EPB41L1: variants seen among roughly 807,000 people sequenced by gnomAD.
EPB41L1 encodes the protein band 4.1-like protein 1.
EPB41L1 carries 29 observed loss-of-function variants against 97.8 expected under a neutral mutation model. The observed-to-expected ratio is 0.30, with a 90% CI of 0.22 to 0.40. The LOEUF is 0.40. Ranked by LOEUF, EPB41L1 falls within the 10% of genes least tolerant of loss-of-function variation. The pLI is 1.00. For synonymous variants in EPB41L1, 383 were observed against 459.2 expected (o/e 0.83, Z 2.12); for missense variants, 812 against 1,162.3 (o/e 0.70, Z 4.38).
chr20:36,092,641 G>C lies in EPB41L1; in HGVS notation c.-65+1029G>C, dbSNP rs1272208587. On this transcript the variant is annotated intron_variant, in intron 1 of 19. Coordinates refer to the EPB41L1 transcript ENST00000202028. This position sits in a 1 kb window ranked among gnomAD's most constrained non-coding sequence, Gnocchi z 7.0. ...GGGGCGGAGCGGCGAGAGGGGGTGT[G>C]GGGGGCGGGCGAGGAGGGGGCTGAG... 6.6e-6 allele frequency: 1 copy of C among 151,764 alleles called. No individual in the cohort carries two copies. Among genetic ancestry groups the C allele is most frequent in the East Asian group, 1.9e-4 (1 of 5,168 alleles). 9.4% of individuals were successfully genotyped at this position (151,764 alleles called of 1,614,324 possible).
At chr20:36,178,510 C>A in intron 4 of EPB41L1, 120 bp from the exon 5 acceptor site, 1 of 1,021,550 alleles carries the variant, frequency 9.8e-7, no homozygotes, top group Non-Finnish European at 1.6e-6. Flanking sequence ...GAGGCTTAGC[C>A]AAGGAAGGGC....
intron 14 of EPB41L1, chr20:36,208,442 G>C: frequency 2.8e-6 from 1 of 359,990 alleles, no homozygotes; most frequent in South Asian, 2.0e-5. Flanking sequence ...TGATGACCCA[G>C]TCACCTTCAC....
Position 36,154,838 on chromosome 20 carries a change from A to C in EPB41L1, c.-73A>C. On this transcript the variant is annotated 5_prime_UTR_variant, in exon 1 of 22. Transcript: ENST00000338074. The surrounding 1 kb of genome is among the most constrained non-coding windows in gnomAD (Gnocchi z 5.5). ...CCCCGCCCCGCGGCCTGCCTGCCAG[A>C]GGAGCCGAGGGGGCCGCCCCTCGCC... 1.0e-6 allele frequency: 1 copy of C among 997,212 alleles called. No homozygotes were observed. The highest frequency in any genetic ancestry group is 1.7e-5 in the African/African-American group (1 of 57,338). 61.8% of individuals were successfully genotyped at this position (997,212 alleles called of 1,614,324 possible).
At chr20:36,227,533 T>C (rs1320250129) in intron 21 of EPB41L1, among the ~76,000 whole-genome samples, 1 of 152,160 alleles carries the variant, frequency 6.6e-6, no homozygotes, top group Non-Finnish European at 1.5e-5. Flanking sequence ...CAGAAGGGGC[T>C]CAGCAAGGTG....
At chr20:36,127,281 T>G (rs558153932) in intron 2 of EPB41L1, among the ~76,000 whole-genome samples, 1 of 152,334 alleles carries the variant, frequency 6.6e-6, no homozygotes, top group East Asian at 1.9e-4. Context: ...CCCAGCTGAT[T>G]GCAGTGATGA....
chr20:36,214,835 C>G (rs1339470272), intron 17 of EPB41L1, among the ~76,000 whole-genome samples: 2 of 151,954 alleles, frequency 1.3e-5, no homozygotes, highest in Non-Finnish European at 2.9e-5. Context: ...TGCACATTGT[C>G]TCATGCCTTA....
At chr20:36,111,851 T>C (rs985676562) in intron 1 of EPB41L1, among the ~76,000 whole-genome samples, 2 of 151,290 alleles carry the variant, frequency 1.3e-5, no homozygotes, top group African/African-American at 2.4e-5. Flanking sequence ...ACCATATTTA[T>C]TTCACAGATG....
At chr20:36,152,563 G>A, upstream of EPB41L1, 1 of 181,134 alleles carries the variant, frequency 5.5e-6, no homozygotes, top group South Asian at 1.1e-4. Flanking sequence ...CCCACGATTG[G>A]GAAGGCTCAG....
intron 4 of EPB41L1, 56 bp from the exon 5 acceptor site, chr20:36,178,573 GC>G: frequency 6.4e-7 from 1 of 1,550,556 alleles, no homozygotes; most frequent in Middle Eastern, 1.7e-4. Context: ...CTCTCTCTCA[GC>G]CCAGTCAGGT....
At position 36,229,421 on chromosome 20, in the gene EPB41L1, C is replaced by T. The variant is rs200564466; in HGVS notation, c.*81C>T. The T allele has an allele frequency of 4.6e-4, 650 of 1,414,784 alleles. 1 individual carries two copies. In the African/African-American group the frequency reaches 5.1e-3, roughly 11 times the overall value. 87.6% of individuals were successfully genotyped at this position (1,414,784 alleles called of 1,614,324 possible). ...GAAGGGGCCTTCATTCTGGATTCTC[C>T]GACGCAACACTGACGTCCCAGCTGC... On this transcript the variant is annotated 3_prime_UTR_variant, in exon 22 of 22. Transcript: ENST00000338074.
rs1054317674 is a variant in EPB41L1 at position 36,093,629 on chromosome 20, C to G, written c.-65+2017C>G. 5.3e-5 allele frequency among the ~76,000 whole-genome samples: 8 copies of G among 149,884 alleles called. No homozygotes were observed. Among genetic ancestry groups the G allele is most frequent in the Non-Finnish European group, 1.0e-4 (7 of 67,562 alleles). ...CTGGGCTGACAGCAGAGCCCGCGTT[C>G]TGACCTGAGCTGGAGAGGAGGGCGT... On this transcript the variant is annotated intron_variant, in intron 1 of 19. Transcript: ENST00000202028. The surrounding 1 kb of genome is among the most constrained non-coding windows in gnomAD (Gnocchi z 5.4).
At position 36,216,666 on chromosome 20, in the gene EPB41L1, G is replaced by A. The variant is rs1041579023; in HGVS notation, c.2269-2210G>A. ...TGATTGAACACCCATGATGTGTATA[G>A]TTCTGTACCAGCCACTGTGAATCCA... is the stretch of plus-strand genomic sequence containing the variant. On this transcript the variant is annotated intron_variant, in intron 17 of 21. Coordinates refer to ENST00000338074, the MANE Select transcript of EPB41L1 (RefSeq NM_012156.2). 2.0e-5 allele frequency among the ~76,000 whole-genome samples: 3 copies of A among 152,256 alleles called. No homozygotes were observed. The East Asian group carries it at 5.8e-4, about 29-fold the overall frequency.
intron 1 of EPB41L1, among the ~76,000 whole-genome samples, chr20:36,100,594 G>GT (rs1475394566): frequency 6.6e-6 from 1 of 152,138 alleles, no homozygotes; most frequent in Non-Finnish European, 1.5e-5. Flanking sequence ...GATCCCCGTC[G>GT]TATTACAGGA....
intron 17 of EPB41L1, among the ~76,000 whole-genome samples, chr20:36,217,609 T>G (rs903867771): frequency 6.6e-6 from 1 of 152,154 alleles, no homozygotes; most frequent in African/African-American, 2.4e-5. Context: ...AAGGGAGAAC[T>G]TCCCAGAATG....
At chr20:36,137,201 A>G (rs980753606) in intron 2 of EPB41L1, among the ~76,000 whole-genome samples, 2 of 151,260 alleles carry the variant, frequency 1.3e-5, no homozygotes, top group African/African-American at 4.9e-5. Context: ...CAGCCTCCCA[A>G]GTAGCTGGGA....
At chr20:36,192,966 T>G (rs779394826) in intron 11 of EPB41L1, among the ~76,000 whole-genome samples, 2 of 152,232 alleles carry the variant, frequency 1.3e-5, no homozygotes, top group Non-Finnish European at 2.9e-5. Context: ...GTCTCAGGAC[T>G]CCTGTGCATG....
intron 1 of EPB41L1, among the ~76,000 whole-genome samples, chr20:36,103,017 G>A (rs1354609666): frequency 6.6e-6 from 1 of 152,098 alleles, no homozygotes; most frequent in Non-Finnish European, 1.5e-5. Flanking sequence ...AATCACTGTT[G>A]AAATCCTGTC....
At chr20:36,155,103 AGGCTGGGGGTTGGC>A in intron 1 of EPB41L1, 1 of 514,500 alleles carries the variant, frequency 1.9e-6, no homozygotes, top group Non-Finnish European at 3.6e-6. Flanking sequence ...GAGGATCCGG[AGGCTGGGGGTTGGC>A]GGGGGGTTGG....
intron 2 of EPB41L1, among the ~76,000 whole-genome samples, chr20:36,174,587 T>TA (rs1268395792): frequency 6.6e-6 from 1 of 151,564 alleles, no homozygotes; most frequent in Non-Finnish European, 1.5e-5. Flanking sequence ...TTTTTTTTTT[T>TA]TAACTTTCAG....
Sources: gnomAD v4.1 joint callset for allele counts (sites outside exome capture counted in the v4.1 genomes callset) on GRCh38, gnomAD v4.1.1 for gene constraint, Gnocchi (gnomAD v3.1) non-coding constraint, MANE v1.5 for transcripts, NCBI Gene and HGNC (gene_info 2026-07-23, HGNC 2026-07-21) for gene names.